KIAA1614: variants seen among roughly 807,000 people sequenced by gnomAD.
KIAA1614 encodes the protein uncharacterized protein KIAA1614.
A neutral mutation model predicts 88.7 loss-of-function variants in KIAA1614; 76 were observed. The ratio of observed to expected loss-of-function variants is 0.86; its 90% CI spans 0.71 to 1.04. KIAA1614 has a LOEUF of 1.04. KIAA1614 is among the 50% of genes least tolerant of loss of function. The pLI is 0.00. For missense variants in KIAA1614, 1,553 were observed against 1,582.5 expected, an observed-to-expected ratio of 0.98 and a Z score of 0.32; for synonymous variants, 714 against 675.5, an observed-to-expected ratio of 1.06 and a Z score of -0.88.
At chr1:180,928,679 T>A in intron 4 of KIAA1614, 106 bp downstream of exon 4, 1 of 1,245,476 alleles carries the variant, frequency 8.0e-7, no homozygotes, top group Non-Finnish European at 1.1e-6. Flanking sequence ...TCGCTCCATG[T>A]GTGTGTGTGT....
chr1:180,914,586 A>G lies in KIAA1614; in HGVS notation c.50+1293A>G, dbSNP rs1444914570. Among the ~76,000 whole-genome samples, 4 of 151,660 alleles carry G rather than the reference A, an allele frequency of 2.6e-5. No individual in the cohort carries two copies. The East Asian group carries it at 7.7e-4, about 29-fold the overall frequency. On this transcript the variant is annotated intron_variant, in intron 1 of 8. Coordinates refer to ENST00000367588, the MANE Select transcript of KIAA1614 (RefSeq NM_020950.2). Reference sequence around the variant, plus strand: ...TTTTTTTGAGACAGAGTCTCGCTCTATCGCCCAGGCTGGAGTGCAGTGGCG... The same window carrying G: ...TTTTTTTGAGACAGAGTCTCGCTCTGTCGCCCAGGCTGGAGTGCAGTGGCG...
chr1:180,935,750 G>A lies in KIAA1614; in HGVS notation c.1841G>A (p.Ser614Asn). 6.2e-7 allele frequency: 1 copy of A among 1,613,886 alleles called. No homozygotes were observed. Among genetic ancestry groups the A allele is most frequent in the South Asian group, 1.1e-5 (1 of 91,080 alleles). The change falls in exon 5 of 9, where the codon AGC (serine) becomes AAC (asparagine). Residue 614 changes from serine (S) to asparagine (N), a missense_variant. By Grantham distance (46) the Ser-to-Asn change is conservative (BLOSUM62 1). Transcript: ENST00000367588. This position sits in a 1 kb window ranked among gnomAD's most constrained non-coding sequence, Gnocchi z 6.1. ...GCGGAGGTGGACTCTGCCCTGGACA[G>A]CACAGACAACTCTGACAACTGCAGG... ...CPAEVDSALDSTDNSDNCRTD... is the reference protein window; with the variant it reads ...CPAEVDSALDNTDNSDNCRTD...
chr1:180,928,497 C>T lies in KIAA1614; in HGVS notation c.1129C>T (p.Arg377Cys), dbSNP rs547208823. Reference sequence around the variant, plus strand: ...TGAGGAAGCCACGCATCTGCTGCAGCGTGCCCGCATGAAGGCCAGGACCCG... The same window carrying T: ...TGAGGAAGCCACGCATCTGCTGCAGTGTGCCCGCATGAAGGCCAGGACCCG... ...RHEEATHLLQ[R>C]ARMKARTRPL... The change falls in exon 4 of 9, where the codon CGT becomes TGT. Residue 377 changes from arginine to cysteine, a missense_variant. Arg to Cys is a radical substitution (Grantham distance 180). Coordinates refer to ENST00000367588, the MANE Select transcript of KIAA1614 (RefSeq NM_020950.2). 4.8e-5 allele frequency: 77 copies of T among 1,613,180 alleles called. No homozygotes were observed. The highest frequency in any genetic ancestry group is 5.8e-5 in the Non-Finnish European group (69 of 1,179,976).
Position 180,935,369 on chromosome 1 carries a change from C to A in KIAA1614, c.1460C>A (p.Pro487His). ...STVLQAADQG[P>H]LRSKPDLADY... is the part of the protein sequence containing the mutation. ...GTGTTGCAGGCCGCGGACCAGGGCC[C>A]CCTGCGCTCCAAGCCCGACCTCGCC... The change falls in exon 5 of 9, where the codon CCC (proline) becomes CAC (histidine). Residue 487 changes from proline to histidine, a missense_variant. Coordinates refer to ENST00000367588, the MANE Select transcript of KIAA1614 (RefSeq NM_020950.2). The surrounding 1 kb of genome is among the most constrained non-coding windows in gnomAD (Gnocchi z 6.1). 1 of 1,463,882 alleles carries A rather than the reference C, an allele frequency of 6.8e-7. No homozygotes were observed. Among genetic ancestry groups the A allele is most frequent in the East Asian group, 2.5e-5 (1 of 40,198 alleles). 90.7% of individuals were successfully genotyped at this position (1,463,882 alleles called of 1,614,324 possible).
Position 180,935,723 on chromosome 1 carries a change from C to T in KIAA1614, c.1814C>T (p.Pro605Leu), listed in dbSNP as rs757771254. 8.1e-6 allele frequency: 13 copies of T among 1,613,820 alleles called. 1 individual carries two copies. The South Asian group carries it at 1.2e-4, about 15-fold the overall frequency. Residue 605 changes from proline to leucine, a missense_variant, in exon 5 of 9, where the codon CCT becomes CTT. Coordinates refer to ENST00000367588, the MANE Select transcript of KIAA1614 (RefSeq NM_020950.2). This position sits in a 1 kb window ranked among gnomAD's most constrained non-coding sequence, Gnocchi z 6.1. ...ACACACATCGGAGACACCGTGTGCCCTGCGGAGGTGGACTCTGCCCTGGAC... is the reference window on the plus strand; with the variant it reads ...ACACACATCGGAGACACCGTGTGCCTTGCGGAGGTGGACTCTGCCCTGGAC... The part of the protein sequence containing the change: ...RETHIGDTVC[P>L]AEVDSALDST...
chr1:180,916,269 C>A lies in KIAA1614; in HGVS notation c.166C>A (p.Pro56Thr). 1 of 1,613,792 alleles carries A rather than the reference C, an allele frequency of 6.2e-7. No homozygotes were observed. Among genetic ancestry groups the A allele is most frequent in the Non-Finnish European group, 8.5e-7 (1 of 1,179,942 alleles). The change falls in exon 2 of 9, where the codon CCT (proline) becomes ACT (threonine). Residue 56 changes from proline (P) to threonine (T), a missense_variant. By Grantham distance (38) the Pro-to-Thr change is conservative. Coordinates refer to ENST00000367588, the MANE Select transcript of KIAA1614 (RefSeq NM_020950.2). Reference sequence around the variant, plus strand: ...ACACCCCCCAAGACCCTGGCCTTGCCCTCAGGAAAACAGAACATCCAGCCT... The same window carrying A: ...ACACCCCCCAAGACCCTGGCCTTGCACTCAGGAAAACAGAACATCCAGCCT... ...NGHPPRPWPC[P>T]QENRTSSLMA...
chr1:180,925,037 A>T (rs928123138), intron 3 of KIAA1614, among the ~76,000 whole-genome samples: 1 of 152,108 alleles, frequency 6.6e-6, no homozygotes, highest in Admixed American at 6.5e-5. Flanking sequence ...CTCAACTCCT[A>T]AGTAACCTGC....
rs776875833 is a variant in KIAA1614 at position 180,916,785 on chromosome 1, A to G, written c.682A>G (p.Asn228Asp). Residue 228 changes from asparagine (N) to aspartate (D), a missense_variant, in exon 2 of 9, where the codon AAC (asparagine) becomes GAC (aspartate). Physicochemically the swap from Asn to Asp is conservative, Grantham distance 23. Transcript: ENST00000367588. ...ACGGCCTGGGGGTCCTGGTCATTGT[A>G]ACAAAATCATCCACATTCCCAGCCC... Reference protein sequence around the residue: ...PGRPGGPGHCNKIIHIPSPRT... With the variant: ...PGRPGGPGHCDKIIHIPSPRT... 2.5e-6 allele frequency: 4 copies of G among 1,614,214 alleles called. No individual in the cohort carries two copies. In the African/African-American group the frequency reaches 4.0e-5, roughly 16 times the overall value.
At position 180,935,072 on chromosome 1, in the gene KIAA1614, C is replaced by G; in HGVS notation, c.1206-43C>G. Reference sequence around the variant, plus strand: ...GGGCCGATGCGTGTCCATACCTCCCCAGGTTTCTGCCCTTGACCTCTCTCC... The same window carrying G: ...GGGCCGATGCGTGTCCATACCTCCCGAGGTTTCTGCCCTTGACCTCTCTCC... On this transcript the variant is annotated intron_variant, in intron 4 of 8. Transcript: ENST00000367588. The surrounding 1 kb of genome is among the most constrained non-coding windows in gnomAD (Gnocchi z 6.1). The G allele has an allele frequency of 3.0e-6, 4 of 1,318,254 alleles. No individual in the cohort carries two copies. Among genetic ancestry groups the G allele is most frequent in the Non-Finnish European group, 3.9e-6 (4 of 1,020,006 alleles). 81.7% of individuals were successfully genotyped at this position (1,318,254 alleles called of 1,614,324 possible). A position where few individuals can be genotyped will look rare whatever the true frequency, so the allele number is the denominator to read the frequency against.
chr1:180,944,524 G>A lies in KIAA1614; in HGVS notation c.3287+8G>A. 6.2e-7 allele frequency: 1 copy of A among 1,612,244 alleles called. No individual in the cohort carries two copies. Among genetic ancestry groups the A allele is most frequent in the South Asian group, 1.1e-5 (1 of 90,948 alleles). On this transcript the variant is annotated splice_region_variant and intron_variant, in intron 8 of 8. Transcript: ENST00000367588. ...CCACAGTGCAGCTGGCAGGTATGAG[G>A]GGCACACATGGTTTGGAGGATAAAC...
chr1:180,944,581 A>G, intron 8 of KIAA1614, 65 bp downstream of exon 8: 7 of 1,549,974 alleles, frequency 4.5e-6, no homozygotes, highest in Non-Finnish European at 6.2e-6. Context: ...CAAAAGCTTA[A>G]CTCCTTCCTG....
chr1:180,947,820 G>A lies in KIAA1614; in HGVS notation c.*2232G>A, dbSNP rs1314292143. The A allele has an allele frequency of 1.3e-5, 2 of 152,232 alleles. No individual in the cohort carries two copies. The highest frequency in any genetic ancestry group is 4.8e-5 in the African/African-American group (2 of 41,438). The allele number at this position is 152,232 out of a possible 1,614,324, so 9.4% of individuals were successfully genotyped here. ...AGAGTCATAAGGAGCATTTGGTAAG[G>A]CACACAGGAAAGGGCCTAGCATTTT... On this transcript the variant is annotated 3_prime_UTR_variant, in exon 9 of 9. Transcript: ENST00000367588.
chr1:180,943,372 C>T (rs148322478), intron 7 of KIAA1614, among the ~76,000 whole-genome samples: 1,560 of 151,682 alleles, frequency 0.01, 24 homozygotes, highest in African/African-American at 0.036. Context: ...TTGATGGGCA[C>T]TTAGCTTGGT....
chr1:180,928,864 T>A (rs1369516490), intron 4 of KIAA1614, among the ~76,000 whole-genome samples: 1 of 152,208 alleles, frequency 6.6e-6, no homozygotes, highest in East Asian at 1.9e-4. Context: ...TTCAATTATG[T>A]GGACTGTGGT....
chr1:180,932,031 T>C (rs1008289242), intron 4 of KIAA1614, among the ~76,000 whole-genome samples: 1 of 152,058 alleles, frequency 6.6e-6, no homozygotes, highest in Non-Finnish European at 1.5e-5. Context: ...GAAGCATGCT[T>C]CTGAAGAGCT....
At position 180,935,973 on chromosome 1, in the gene KIAA1614, G is replaced by A. The variant is rs1317106791; in HGVS notation, c.2064G>A (p.Glu688=). The change falls in exon 5 of 9, where the codon GAG becomes GAA. Residue 688 remains glutamate, a synonymous_variant. Transcript: ENST00000367588. The surrounding 1 kb of genome is among the most constrained non-coding windows in gnomAD (Gnocchi z 6.1). ...PRADDVEVEN[E]VKEGRGHTPE... is the part of the protein sequence containing the mutation. ...CTGATGATGTGGAGGTGGAAAATGA[G>A]GTGAAAGAGGGCAGAGGACACACGC... 1 of 1,614,060 alleles carries A rather than the reference G, an allele frequency of 6.2e-7. No homozygotes were observed. The highest frequency in any genetic ancestry group is 8.5e-7 in the Non-Finnish European group (1 of 1,179,926).
In KIAA1614 at chr1:180,935,085, T is replaced by G; in HGVS notation, c.1206-30T>G. 1 of 1,363,634 alleles carries G rather than the reference T, an allele frequency of 7.3e-7. No individual in the cohort carries two copies. Among genetic ancestry groups the G allele is most frequent in the Non-Finnish European group, 9.5e-7 (1 of 1,052,968 alleles). The allele number at this position is 1,363,634 out of a possible 1,614,324, so 84.5% of individuals were successfully genotyped here. A position where few individuals can be genotyped will look rare whatever the true frequency, so the allele number is the denominator to read the frequency against. Reference sequence around the variant, plus strand: ...TCCATACCTCCCCAGGTTTCTGCCCTTGACCTCTCTCCTCCTGTCTCTTCA... The same window carrying G: ...TCCATACCTCCCCAGGTTTCTGCCCGTGACCTCTCTCCTCCTGTCTCTTCA... On this transcript the variant is annotated intron_variant, in intron 4 of 8. Transcript: ENST00000367588. The surrounding 1 kb of genome is among the most constrained non-coding windows in gnomAD (Gnocchi z 6.1).
chr1:180,947,349 G>A lies in KIAA1614; in HGVS notation c.*1761G>A, dbSNP rs1349505865. 1 of 152,472 alleles carries A rather than the reference G, an allele frequency of 6.6e-6. No individual in the cohort carries two copies. The highest frequency in any genetic ancestry group is 2.4e-5 in the African/African-American group (1 of 41,592). The allele number at this position is 152,472 out of a possible 1,614,324, so 9.4% of individuals were successfully genotyped here. A position where few individuals can be genotyped will look rare whatever the true frequency, so the allele number is the denominator to read the frequency against. ...AGCACTGAGACTCTCTAATGTCTAT[G>A]AGAATAGACCCCAGTGGGACACGGG... is the stretch of plus-strand genomic sequence containing the variant. On this transcript the variant is annotated 3_prime_UTR_variant, in exon 9 of 9. Coordinates refer to ENST00000367588, the MANE Select transcript of KIAA1614 (RefSeq NM_020950.2).
chr1:180,938,564 A>G lies in KIAA1614; in HGVS notation c.2771A>G (p.Gln924Arg). ...PLENSRDGGPQGFLGSADVAT... is the reference protein window; with the variant it reads ...PLENSRDGGPRGFLGSADVAT... ...GCTGTGCTTGTTTCAGGAGGACCCC[A>G]GGGCTTTCTTGGCTCAGCAGATGTT... is the stretch of plus-strand genomic sequence containing the variant. Residue 924 changes from glutamine to arginine, a missense_variant, in exon 6 of 9, where the codon CAG becomes CGG. Transcript: ENST00000367588. 6.2e-7 allele frequency: 1 copy of G among 1,614,042 alleles called. No homozygotes were observed. Among genetic ancestry groups the G allele is most frequent in the Admixed American group, 1.7e-5 (1 of 60,018 alleles).
Sources: allele counts gnomAD v4.1 joint callset (sites outside exome capture counted in the v4.1 genomes callset), GRCh38; gene constraint gnomAD v4.1.1; non-coding constraint Gnocchi (gnomAD v3.1); transcripts MANE v1.5; gene names NCBI Gene and HGNC (gene_info 2026-07-23, HGNC 2026-07-21).